Variants in CCSER2 observed in about 807,000 individuals in gnomAD.
The protein encoded by CCSER2 is serine-rich coiled-coil domain-containing protein 2.
CCSER2 carries 46 observed loss-of-function variants against 92.3 expected under a neutral mutation model. The ratio of observed to expected loss-of-function variants is 0.50; its 90% CI spans 0.39 to 0.64. CCSER2 has a LOEUF of 0.64. CCSER2 is among the 30% of genes least tolerant of loss of function. CCSER2 has a pLI of 0.00. For synonymous variants in CCSER2, 433 were observed against 431.4 expected (o/e 1.00, Z -0.04); for missense variants, 1,244 against 1,238.9 (o/e 1.00, Z -0.06).
At chr10:84,406,558 AC>A (rs1249474693) in intron 3 of CCSER2, among the ~76,000 whole-genome samples, 1 of 152,108 alleles carries the variant, frequency 6.6e-6, no homozygotes, top group African/African-American at 2.4e-5. Context: ...TCTATGGTAA[AC>A]CTGCTCATAT....
At chr10:84,456,580 T>C (rs1161630046) in intron 6 of CCSER2, among the ~76,000 whole-genome samples, 1 of 152,220 alleles carries the variant, frequency 6.6e-6, no homozygotes, top group Non-Finnish European at 1.5e-5. Context: ...CATGTGTTTT[T>C]ATTTCTCTCG....
At chr10:84,420,965 C>T (rs143193257) in intron 4 of CCSER2, among the ~76,000 whole-genome samples, 199 of 148,300 alleles carry the variant, frequency 1.3e-3, no homozygotes, top group African/African-American at 4.7e-3. Flanking sequence ...AGATTGGTCA[C>T]TATGAACTAT....
At chr10:84,342,441 C>T (rs1844242660) in intron 1 of CCSER2, among the ~76,000 whole-genome samples, 1 of 152,198 alleles carries the variant, frequency 6.6e-6, no homozygotes, top group Non-Finnish European at 1.5e-5. Context: ...TAACTCTTGT[C>T]ATTCCAGTTC....
intron 9 of CCSER2, among the ~76,000 whole-genome samples, chr10:84,498,623 C>T (rs1848571954): frequency 6.6e-6 from 1 of 152,116 alleles, no homozygotes. Context: ...TCTGTAAACA[C>T]TGTTAAACTA....
chr10:84,340,734 A>G (rs1471672475), intron 1 of CCSER2, among the ~76,000 whole-genome samples: 1 of 151,220 alleles, frequency 6.6e-6, no homozygotes, highest in Non-Finnish European at 1.5e-5. Context: ...TGGCTTCTCC[A>G]TTAGTGTTTT....
intron 9 of CCSER2, among the ~76,000 whole-genome samples, chr10:84,499,448 T>G (rs576560738): frequency 6.6e-6 from 1 of 152,310 alleles, no homozygotes; most frequent in African/African-American, 2.4e-5. Flanking sequence ...ATAAAAATTT[T>G]TAGATGATAA....
chr10:84,448,751 C>T (rs951660694), intron 6 of CCSER2, among the ~76,000 whole-genome samples: 2 of 152,164 alleles, frequency 1.3e-5, no homozygotes, highest in Non-Finnish European at 2.9e-5. Context: ...TTCTCAAACC[C>T]GGCCCAGGCA....
chr10:84,379,944 C>T (rs1028921760), intron 3 of CCSER2, among the ~76,000 whole-genome samples: 1 of 152,146 alleles, frequency 6.6e-6, no homozygotes, highest in Admixed American at 6.5e-5. Flanking sequence ...CATGGTGTAG[C>T]AGTGAACATT....
At chr10:84,348,994 A>G (rs557699205) in intron 1 of CCSER2, among the ~76,000 whole-genome samples, 1 of 152,128 alleles carries the variant, frequency 6.6e-6, no homozygotes, top group Non-Finnish European at 1.5e-5. Context: ...ATTGTACAGT[A>G]TGGACTTCAC....
At chr10:84,367,362 T>A (rs996443879) in intron 1 of CCSER2, among the ~76,000 whole-genome samples, 9 of 151,386 alleles carry the variant, frequency 5.9e-5, no homozygotes, top group African/African-American at 2.2e-4. Flanking sequence ...AATATCTTTG[T>A]CTTTTTTTTC....
intron 1 of CCSER2, among the ~76,000 whole-genome samples, chr10:84,347,785 T>G (rs59620034): frequency 6.7e-6 from 1 of 148,612 alleles, no homozygotes; most frequent in Non-Finnish European, 1.5e-5. Flanking sequence ...ACGGGGCGGC[T>G]GGACAGAGAC....
intron 1 of CCSER2, among the ~76,000 whole-genome samples, chr10:84,370,167 A>G (rs1175385292): frequency 1.3e-5 from 2 of 152,024 alleles, no homozygotes. Context: ...TTCTGGGAAA[A>G]ATGATGTTGG....
intron 1 of CCSER2, among the ~76,000 whole-genome samples, chr10:84,355,122 G>A (rs536341930): frequency 3.2e-4 from 49 of 151,332 alleles, no homozygotes; most frequent in African/African-American, 1.0e-3. Context: ...CATCTCCTGC[G>A]TACTTAAATC....
chr10:84,396,964 C>T (rs1192549907), intron 3 of CCSER2, among the ~76,000 whole-genome samples: 2 of 152,162 alleles, frequency 1.3e-5, no homozygotes, highest in East Asian at 1.9e-4. Flanking sequence ...TATAAACTGC[C>T]GTAATGACTA....
chr10:84,466,564 G>A (rs1441918428), intron 7 of CCSER2, among the ~76,000 whole-genome samples: 1 of 150,784 alleles, frequency 6.6e-6, no homozygotes, highest in Non-Finnish European at 1.5e-5. Flanking sequence ...GAGTGCAGTG[G>A]CACAATCTCG....
At chr10:84,383,626 T>C (rs1841035915) in intron 3 of CCSER2, among the ~76,000 whole-genome samples, 1 of 152,162 alleles carries the variant, frequency 6.6e-6, no homozygotes, top group Non-Finnish European at 1.5e-5. Flanking sequence ...CTTTATTCTT[T>C]CTAATGTGTA....
chr10:84,378,092 T>C (rs934186864), intron 3 of CCSER2, among the ~76,000 whole-genome samples: 4 of 152,186 alleles, frequency 2.6e-5, no homozygotes, highest in African/African-American at 7.2e-5. Context: ...TGAATTGAAA[T>C]GGTGATAGAA....
chr10:84,453,638 A>G (rs2133597811), intron 6 of CCSER2, among the ~76,000 whole-genome samples: 1 of 152,268 alleles, frequency 6.6e-6, no homozygotes, highest in East Asian at 1.9e-4. Context: ...TATCCTTACT[A>G]AATTTTTGCC....
At chr10:84,400,773 G>A (rs984890075) in intron 3 of CCSER2, among the ~76,000 whole-genome samples, 5 of 152,068 alleles carry the variant, frequency 3.3e-5, no homozygotes, top group African/African-American at 1.2e-4. Flanking sequence ...AATTAGCCTG[G>A]TGTGGTGGCG....
Sources: allele counts gnomAD v4.1 joint callset (sites outside exome capture counted in the v4.1 genomes callset), GRCh38; gene constraint gnomAD v4.1.1; transcripts MANE v1.5; gene names NCBI Gene and HGNC (gene_info 2026-07-23, HGNC 2026-07-21).